KATNIP: variants seen among roughly 807,000 people sequenced by gnomAD.
KATNIP encodes katanin-interacting protein.
KATNIP carries 126 observed loss-of-function variants against 174.0 expected under a neutral mutation model. The ratio of observed to expected loss-of-function variants is 0.72; its 90% confidence interval spans 0.63 to 0.84. The LOEUF is 0.84. KATNIP is among the 40% of genes least tolerant of loss of function. KATNIP has a pLI of 0.00. For missense variants in KATNIP, 1,958 were observed against 2,109.7 expected (o/e 0.93, Z 1.41); for synonymous variants, 810 against 835.7 (o/e 0.97, Z 0.53).
At chr16:27,564,559 G>T (rs1402418196) in intron 1 of KATNIP, among the ~76,000 whole-genome samples, 1 of 152,046 alleles carries the variant, frequency 6.6e-6, no homozygotes, top group African/African-American at 2.4e-5. Context: ...AGCATGACTT[G>T]TTTATCCCAG....
intron 12 of KATNIP, among the ~76,000 whole-genome samples, chr16:27,708,216 T>A (rs749493620): frequency 6.6e-6 from 1 of 151,826 alleles, no homozygotes; most frequent in African/African-American, 2.4e-5. Context: ...AAAGACAGGA[T>A]CTCACTTTGT....
chr16:27,652,506 G>A (rs563509222), intron 6 of KATNIP, among the ~76,000 whole-genome samples: 1 of 152,272 alleles, frequency 6.6e-6, no homozygotes, highest in Non-Finnish European at 1.5e-5. Flanking sequence ...TGCAATGGAT[G>A]ATATGTTCAC....
chr16:27,704,702 C>T (rs1435696051), intron 12 of KATNIP, among the ~76,000 whole-genome samples: 3 of 151,996 alleles, frequency 2.0e-5, no homozygotes, highest in Non-Finnish European at 4.4e-5. Context: ...CATTACGAGA[C>T]GATGCAGACA....
At chr16:27,699,368 C>A in intron 9 of KATNIP, 166 bp from the exon 10 acceptor site, 1 of 830,784 alleles carries the variant, frequency 1.2e-6, no homozygotes, top group Non-Finnish European at 1.5e-6. Flanking sequence ...ATCCATCGAG[C>A]AGCAACTATT....
intron 14 of KATNIP, among the ~76,000 whole-genome samples, chr16:27,733,564 G>GGC (rs1380319183): frequency 2.8e-5 from 4 of 143,280 alleles, no homozygotes; most frequent in Non-Finnish European, 4.6e-5. Context: ...AAACAAGAAG[G>GGC]ACACACACAC....
chr16:27,632,578 T>C, intron 5 of KATNIP: 1 of 456,372 alleles, frequency 2.2e-6, no homozygotes, highest in South Asian at 1.5e-5. Flanking sequence ...GTGCATCCTC[T>C]ATAGAGGGGT....
At chr16:27,673,102 C>T (rs2077979238) in intron 6 of KATNIP, among the ~76,000 whole-genome samples, 2 of 152,170 alleles carry the variant, frequency 1.3e-5, no homozygotes, top group African/African-American at 2.4e-5. Context: ...CAGAACAGAA[C>T]CTAAGTTGAC....
chr16:27,757,880 T>C (rs1164136100), intron 18 of KATNIP, among the ~76,000 whole-genome samples: 1 of 152,224 alleles, frequency 6.6e-6, no homozygotes, highest in Non-Finnish European at 1.5e-5. Flanking sequence ...AGGGGATATA[T>C]GACTTGCTAA....
At chr16:27,687,872 T>C (rs1597173050) in intron 8 of KATNIP, among the ~76,000 whole-genome samples, 1 of 152,290 alleles carries the variant, frequency 6.6e-6, no homozygotes, top group Non-Finnish European at 1.5e-5. Context: ...AGCAAGACCA[T>C]TCTGCCAAAG....
intron 5 of KATNIP, among the ~76,000 whole-genome samples, chr16:27,631,908 A>G (rs1315077649): frequency 6.6e-6 from 1 of 152,194 alleles, no homozygotes; most frequent in African/African-American, 2.4e-5. Flanking sequence ...CATCTACCCC[A>G]GGTACCACAC....
chr16:27,725,420 C>T (rs1597305522), intron 14 of KATNIP, among the ~76,000 whole-genome samples: 1 of 152,224 alleles, frequency 6.6e-6, no homozygotes, highest in East Asian at 1.9e-4. Flanking sequence ...TCTGGTTCAT[C>T]GAGGAAAGGG....
chr16:27,691,002 A>C (rs141452556), intron 8 of KATNIP, among the ~76,000 whole-genome samples: 225 of 152,266 alleles, frequency 1.5e-3, no homozygotes, highest in African/African-American at 4.8e-3. Flanking sequence ...AAGTGACACA[A>C]TACATCTCTG....
chr16:27,618,809 C>A (rs890176879), intron 3 of KATNIP, among the ~76,000 whole-genome samples: 1 of 152,224 alleles, frequency 6.6e-6, no homozygotes, highest in African/African-American at 2.4e-5. Flanking sequence ...GTGCAAGAAC[C>A]ACCTGAAGAG....
chr16:27,721,774 A>T (rs2080254108), intron 14 of KATNIP, 79 bp downstream of exon 14: 1 of 1,522,260 alleles, frequency 6.6e-7, no homozygotes, highest in Admixed American at 1.8e-5. Context: ...CCTGATTCCT[A>T]AAGTTGCAAA....
intron 17 of KATNIP, 60 bp from the exon 18 acceptor site, chr16:27,754,113 A>AGCTGGCTG: frequency 3.7e-6 from 5 of 1,352,656 alleles, no homozygotes; most frequent in Non-Finnish European, 5.3e-6. Context: ...CCAGCCAGCT[A>AGCTGGCTG]GCTGTGTGGG....
chr16:27,718,241 A>G (rs1329502578), intron 13 of KATNIP: 1 of 152,164 alleles, frequency 6.6e-6, no homozygotes, highest in East Asian at 1.9e-4. Context: ...AGCAATGCCC[A>G]CCTCCTGGGG....
chr16:27,763,027 G>A (rs546604656), intron 19 of KATNIP, among the ~76,000 whole-genome samples: 1 of 152,208 alleles, frequency 6.6e-6, no homozygotes, highest in South Asian at 2.1e-4. Context: ...TGTTATACTT[G>A]AAAAAGTTGC....
At chr16:27,723,355 C>T (rs2080312665) in intron 14 of KATNIP, among the ~76,000 whole-genome samples, 1 of 152,076 alleles carries the variant, frequency 6.6e-6, no homozygotes, top group African/African-American at 2.4e-5. Flanking sequence ...GTGAACATAG[C>T]AGTGATCCCT....
intron 19 of KATNIP, among the ~76,000 whole-genome samples, chr16:27,765,685 A>G (rs1283423766): frequency 6.6e-6 from 1 of 152,192 alleles, no homozygotes; most frequent in Non-Finnish European, 1.5e-5. Context: ...AACTTGAGAA[A>G]AATACTCACC....
Sources: gnomAD v4.1 joint callset for allele counts (sites outside exome capture counted in the v4.1 genomes callset) on GRCh38, gnomAD v4.1.1 for gene constraint, MANE v1.5 for transcripts, NCBI Gene and HGNC (gene_info 2026-07-23, HGNC 2026-07-21) for gene names.